Variants in MAGI2 observed in about 807,000 individuals in gnomAD.
MAGI2 encodes the protein membrane associated guanylate kinase, WW and PDZ domain containing 2.
MAGI2 carries 35 observed loss-of-function variants against 133.3 expected under a neutral mutation model. That is an observed-to-expected ratio of 0.26 (90% confidence interval 0.20 to 0.35). The LOEUF (loss-of-function observed/expected upper bound fraction) is 0.35, where lower values mean the gene tolerates loss of function less well. MAGI2 is among the 10% of genes least tolerant of loss of function. The probability of loss-of-function intolerance (pLI) is 1.00; values close to 1 mark genes in which losing one functional copy is unlikely to be tolerated. For synonymous variants in MAGI2, 729 were observed against 710.6 expected, an observed-to-expected ratio of 1.03 and a Z score of -0.41; for missense variants, 1,636 against 1,863.4, an observed-to-expected ratio of 0.88 and a Z score of 2.25.
chr7:78,670,719 C>A (rs12705703), intron 2 of MAGI2, among the ~76,000 whole-genome samples: 41,754 of 151,956 alleles, frequency 0.27, 6,090 homozygotes, highest in Admixed American at 0.32. Flanking sequence ...GGTACCAAAA[C>A]AGAGATATAG....
intron 16 of MAGI2, among the ~76,000 whole-genome samples, chr7:78,145,498 T>C (rs1441224786): frequency 6.6e-6 from 1 of 152,174 alleles, no homozygotes; most frequent in Non-Finnish European, 1.5e-5. Context: ...TCATTAGATA[T>C]TGGCATCCCG....
intron 3 of MAGI2, among the ~76,000 whole-genome samples, chr7:78,544,725 A>G (rs574126824): frequency 6.6e-6 from 1 of 152,278 alleles, no homozygotes; most frequent in South Asian, 2.1e-4. Context: ...CAGTCACTCA[A>G]TAAAGTTTGA....
At chr7:79,333,726 G>C (rs1214079165) in intron 1 of MAGI2, among the ~76,000 whole-genome samples, 1 of 152,012 alleles carries the variant, frequency 6.6e-6, no homozygotes, top group African/African-American at 2.4e-5. Flanking sequence ...TTGTTAACCA[G>C]AGTCATTTTC....
At chr7:78,537,101 C>T (rs973671390) in intron 3 of MAGI2, among the ~76,000 whole-genome samples, 5 of 151,832 alleles carry the variant, frequency 3.3e-5, no homozygotes, top group Admixed American at 3.3e-4. Flanking sequence ...AAATAATGGT[C>T]TCCAACTCCA....
At chr7:78,142,755 A>C (rs1245074100) in intron 16 of MAGI2, among the ~76,000 whole-genome samples, 1 of 152,188 alleles carries the variant, frequency 6.6e-6, no homozygotes, top group Non-Finnish European at 1.5e-5. Context: ...GGCAGGAAGC[A>C]AAGAAACTTC....
chr7:78,264,792 T>TTCC (rs780481631), intron 9 of MAGI2, among the ~76,000 whole-genome samples: 7 of 152,108 alleles, frequency 4.6e-5, no homozygotes, highest in African/African-American at 7.2e-5. Flanking sequence ...GCTTTAAGAG[T>TTCC]TCCTACATCT....
intron 10 of MAGI2, chr7:78,252,254 C>T (rs984598022): frequency 6.6e-6 from 1 of 151,824 alleles, no homozygotes; most frequent in Non-Finnish European, 1.5e-5. Context: ...GACTAACACT[C>T]TCTGGTTTCA....
chr7:78,916,212 G>C (rs753596818), intron 2 of MAGI2, among the ~76,000 whole-genome samples: 3 of 151,522 alleles, frequency 2.0e-5, no homozygotes, highest in Non-Finnish European at 4.4e-5. Context: ...CAATATCTTG[G>C]GGTTTTTTTA....
intron 7 of MAGI2, among the ~76,000 whole-genome samples, chr7:78,352,679 G>T (rs1584971546): frequency 6.6e-6 from 1 of 152,262 alleles, no homozygotes; most frequent in Non-Finnish European, 1.5e-5. Flanking sequence ...CAACTGAGAA[G>T]AATATCCACA....
At chr7:78,059,175 A>G (rs925720206) in intron 21 of MAGI2, among the ~76,000 whole-genome samples, 1 of 152,138 alleles carries the variant, frequency 6.6e-6, no homozygotes, top group Non-Finnish European at 1.5e-5. Flanking sequence ...CATGTTAACA[A>G]CAGCAGAAGC....
chr7:78,246,892 C>T (rs138643307), intron 10 of MAGI2, among the ~76,000 whole-genome samples: 2 of 152,278 alleles, frequency 1.3e-5, no homozygotes, highest in Non-Finnish European at 1.5e-5. Context: ...TACAAGCTGG[C>T]CCCCTGGGCC....
chr7:78,546,238 T>C (rs749933020), intron 3 of MAGI2, among the ~76,000 whole-genome samples: 9 of 152,204 alleles, frequency 5.9e-5, no homozygotes, highest in African/African-American at 1.2e-4. Context: ...TTTTGGCAGA[T>C]AGGTACTCCC....
At chr7:78,131,164 C>G (rs138399761) in intron 18 of MAGI2, among the ~76,000 whole-genome samples, 59 of 152,342 alleles carry the variant, frequency 3.9e-4, no homozygotes, top group African/African-American at 1.4e-3. Context: ...AAAGCCAGTG[C>G]AATCTGTTGA....
chr7:78,753,040 T>C (rs1002204096), intron 2 of MAGI2, among the ~76,000 whole-genome samples: 1 of 152,012 alleles, frequency 6.6e-6, no homozygotes, highest in African/African-American at 2.4e-5. Flanking sequence ...AAAATAAACA[T>C]TTTTCAGAAG....
intron 2 of MAGI2, among the ~76,000 whole-genome samples, chr7:78,972,938 TACACACACACACACACAC>T (rs3069435): frequency 4.0e-5 from 6 of 148,242 alleles, no homozygotes; most frequent in Non-Finnish European, 9.0e-5. Flanking sequence ...TTGTTGCTTT[TACACACACACACACACAC>T]ACACACACAC....
intron 6 of MAGI2, among the ~76,000 whole-genome samples, chr7:78,395,842 G>C (rs895989408): frequency 2.0e-5 from 3 of 152,176 alleles, no homozygotes; most frequent in African/African-American, 7.2e-5. Context: ...TTTGGGTAAA[G>C]TGGATAAAGG....
Position 78,019,619 on chromosome 7 carries a change from G to A in MAGI2, c.4064C>T (p.Ala1355Val). The A allele has an allele frequency of 1.0e-6, 1 of 989,104 alleles. No homozygotes were observed. Among genetic ancestry groups the A allele is most frequent in the Non-Finnish European group, 1.2e-6 (1 of 834,178 alleles). The allele number at this position is 989,104 out of a possible 1,614,324, so 61.3% of individuals were successfully genotyped here. The part of the protein sequence containing the change: ...SEARAPGLAA[A>V]DAADAARAGG... The stretch of plus-strand genomic sequence containing the variant: ...CGCCCGCGCCGCGTCCGCCGCGTCT[G>A]CCGCCGCGAGCCCGGGCGCCCTGGC... The change falls in exon 22 of 22, where the codon GCA becomes GTA. Residue 1355 changes from alanine (A) to valine (V), a missense_variant. By Grantham distance (64) the Ala-to-Val change is moderately conservative (BLOSUM62 0). Transcript: ENST00000354212.
intron 9 of MAGI2, among the ~76,000 whole-genome samples, chr7:78,328,026 G>A (rs746571737): frequency 4.6e-5 from 7 of 152,082 alleles, no homozygotes; most frequent in Non-Finnish European, 8.8e-5. Flanking sequence ...TGAATAGGGA[G>A]GAAAATGTCA....
At chr7:78,997,907 T>A (rs910900466) in intron 2 of MAGI2, among the ~76,000 whole-genome samples, 2 of 152,202 alleles carry the variant, frequency 1.3e-5, no homozygotes, top group African/African-American at 4.8e-5. Flanking sequence ...ACAATAACAT[T>A]TTTATAACAA....
Sources: allele counts gnomAD v4.1 joint callset (sites outside exome capture counted in the v4.1 genomes callset), GRCh38; gene constraint gnomAD v4.1.1; transcripts MANE v1.5; gene names NCBI Gene and HGNC (gene_info 2026-07-23, HGNC 2026-07-21).